The following AZI2 variants were observed in gnomAD, a reference collection of about 807,000 sequenced individuals.
AZI2 encodes the protein 5-azacytidine-induced protein 2.
Under a neutral mutation model 45.8 loss-of-function variants are expected in AZI2, and 22 were observed. That is an observed-to-expected ratio of 0.48 (90% confidence interval 0.34 to 0.69). AZI2 has a LOEUF of 0.69. AZI2 is among the 30% of genes least tolerant of loss of function. The probability of loss-of-function intolerance (pLI) is 0.01; values close to 1 mark genes in which losing one functional copy is unlikely to be tolerated. For missense variants in AZI2, 417 were observed against 441.5 expected (o/e 0.94, Z 0.50); for synonymous variants, 137 against 156.7 (o/e 0.87, Z 0.94).
rs777890779 is a variant in AZI2 at position 28,326,815 on chromosome 3, G to A, written c.766+17C>T. 8.9e-6 allele frequency: 14 copies of A among 1,572,032 alleles called. No individual in the cohort carries two copies. The highest frequency in any genetic ancestry group is 5.4e-5 in the African/African-American group (4 of 73,602). On this transcript the variant is annotated intron_variant, in intron 7 of 7. Coordinates refer to ENST00000479665, the MANE Select transcript of AZI2 (RefSeq NM_022461.5). ...AGTTTGGCTGGAATCAGTGGTTTCC[G>A]GTAAACAGTGACTTGCCTTTCTTGA... is the stretch of plus-strand genomic sequence containing the variant.
intron 2 of AZI2, among the ~76,000 whole-genome samples, chr3:28,339,314 G>A (rs1703920995): frequency 6.6e-6 from 1 of 152,034 alleles, no homozygotes; most frequent in Admixed American, 6.6e-5. Flanking sequence ...AGATGTGTGT[G>A]TTAATTTGTT....
chr3:28,324,156 A>G lies in AZI2; in HGVS notation c.1065T>C (p.Pro355=), dbSNP rs1327096237. The G allele has an allele frequency of 6.2e-7, 1 of 1,610,650 alleles. No individual in the cohort carries two copies. Among genetic ancestry groups the G allele is most frequent in the Non-Finnish European group, 8.5e-7 (1 of 1,177,658 alleles). ...EDNSWVFPSP[P]KSSETAFGET... ...CCCCAAATGCTGTCTCACTTGATTTAGGAGGACTTGGAAATACCCAGGAAT... is the reference window on the plus strand; with the variant it reads ...CCCCAAATGCTGTCTCACTTGATTTGGGAGGACTTGGAAATACCCAGGAAT... The change falls in exon 8 of 8, where the codon CCT becomes CCC. Residue 355 remains proline (P), a synonymous_variant. Coordinates refer to ENST00000479665, the MANE Select transcript of AZI2 (RefSeq NM_022461.5).
intron 3 of AZI2, among the ~76,000 whole-genome samples, chr3:28,338,256 A>T (rs892916435): frequency 8.6e-5 from 13 of 151,958 alleles, no homozygotes; most frequent in African/African-American, 2.9e-4. Flanking sequence ...ACCATGTCAT[A>T]GTTTTTCAAA....
rs1269362903 is a variant in AZI2, at chr3:28,322,910, C to A, written c.*1132G>T. 1 of 151,038 alleles carries A rather than the reference C, an allele frequency of 6.6e-6. No individual in the cohort carries two copies. Among genetic ancestry groups the A allele is most frequent in the Non-Finnish European group, 1.5e-5 (1 of 67,340 alleles). 9.4% of individuals were successfully genotyped at this position (151,038 alleles called of 1,614,324 possible). A position where few individuals can be genotyped will look rare whatever the true frequency, so the allele number is the denominator to read the frequency against. ...TCCTCCTACATGAAATACTTTAATT[C>A]AGGCAAAAGGTGTATGAACCAAGTA... On this transcript the variant is annotated 3_prime_UTR_variant, in exon 8 of 8. Coordinates refer to ENST00000479665, the MANE Select transcript of AZI2 (RefSeq NM_022461.5).
intron 1 of AZI2, among the ~76,000 whole-genome samples, chr3:28,346,143 T>C (rs1406573890): frequency 1.3e-5 from 2 of 152,160 alleles, no homozygotes; most frequent in Non-Finnish European, 2.9e-5. Flanking sequence ...AAAGGGATTC[T>C]GGTTATCCTA....
rs1362941582 is a variant in AZI2 at position 28,322,976 on chromosome 3, ATCTTTATTTCCT to A, written c.*1054_*1065del. Reference sequence around the variant, plus strand: ...AGAACTTAAATTTCCATGTGAAGCCATCTTTATTTCCTTCTTTATTTCCAAATAATTGGCCAC... The same window carrying A: ...AGAACTTAAATTTCCATGTGAAGCCATCTTTATTTCCAAATAATTGGCCAC... On this transcript the variant is annotated 3_prime_UTR_variant, in exon 8 of 8. Transcript: ENST00000479665. 1 of 150,954 alleles carries A rather than the reference ATCTTTATTTCCT, an allele frequency of 6.6e-6. No homozygotes were observed. Among genetic ancestry groups the A allele is most frequent in the Non-Finnish European group, 1.5e-5 (1 of 67,254 alleles). 9.4% of individuals were successfully genotyped at this position (150,954 alleles called of 1,614,324 possible).
intron 2 of AZI2, 100 bp downstream of exon 2, chr3:28,340,302 G>T: frequency 2.5e-6 from 2 of 808,166 alleles, no homozygotes; most frequent in East Asian, 2.7e-5. Context: ...TGGAAATTTA[G>T]TACAATCATG....
At chr3:28,347,493 A>T (rs575566654) in intron 1 of AZI2, among the ~76,000 whole-genome samples, 2 of 152,234 alleles carry the variant, frequency 1.3e-5, no homozygotes, top group African/African-American at 4.8e-5. Context: ...CAGAGCCAGC[A>T]TAACTCTTAG....
intron 3 of AZI2, among the ~76,000 whole-genome samples, 173 bp downstream of exon 3, chr3:28,338,320 T>G (rs1703879567): frequency 6.6e-6 from 1 of 152,122 alleles, no homozygotes; most frequent in Non-Finnish European, 1.5e-5. Context: ...ACATACTAAA[T>G]ATTTTACATA....
At chr3:28,326,159 G>C (rs1045941968) in intron 7 of AZI2, among the ~76,000 whole-genome samples, 1 of 150,928 alleles carries the variant, frequency 6.6e-6, no homozygotes, top group African/African-American at 2.4e-5. Flanking sequence ...TGTAATACTA[G>C]GTACAAATGT....
Position 28,342,463 on chromosome 3 carries a change from C to A in AZI2, c.-5-1841G>T, listed in dbSNP as rs1016091841. On this transcript the variant is annotated intron_variant, in intron 1 of 7. Transcript: ENST00000479665. Reference sequence around the variant, plus strand: ...TGGCGGATTCTCAGAACCATAATTACTCATGCTGCTTCTGATGCAAGCTGC... The same window carrying A: ...TGGCGGATTCTCAGAACCATAATTAATCATGCTGCTTCTGATGCAAGCTGC... Among the ~76,000 whole-genome samples, 5 of 151,992 alleles carry A rather than the reference C, an allele frequency of 3.3e-5. No individual in the cohort carries two copies. The East Asian group carries it at 9.6e-4, about 29-fold the overall frequency.
intron 6 of AZI2, among the ~76,000 whole-genome samples, chr3:28,329,423 A>T (rs373082010): frequency 2.6e-5 from 4 of 151,124 alleles, no homozygotes; most frequent in Non-Finnish European, 4.4e-5. Context: ...ACACAATCTT[A>T]TAAGTTTTAT....
intron 5 of AZI2, among the ~76,000 whole-genome samples, chr3:28,335,745 T>C (rs1206545769): frequency 1.3e-5 from 2 of 151,980 alleles, no homozygotes; most frequent in Non-Finnish European, 2.9e-5. Context: ...CAGGGCAGAA[T>C]CTGGAAAGCA....
At chr3:28,329,424 T>C (rs1703497234) in intron 6 of AZI2, among the ~76,000 whole-genome samples, 1 of 151,184 alleles carries the variant, frequency 6.6e-6, no homozygotes, top group South Asian at 2.1e-4. Flanking sequence ...CACAATCTTA[T>C]AAGTTTTATA....
intron 2 of AZI2, among the ~76,000 whole-genome samples, chr3:28,339,037 A>G (rs1020536777): frequency 6.6e-6 from 1 of 151,438 alleles, no homozygotes; most frequent in African/African-American, 2.4e-5. Flanking sequence ...CTGGAGTGCA[A>G]TGGGGCGATC....
chr3:28,326,700 A>G (rs986274146), intron 7 of AZI2, 132 bp downstream of exon 7: 2 of 769,070 alleles, frequency 2.6e-6, no homozygotes, highest in Non-Finnish European at 4.7e-6. Flanking sequence ...GAGAATGGGT[A>G]GGCTGCGAAT....
At chr3:28,343,699 C>G (rs1349585765) in intron 1 of AZI2, among the ~76,000 whole-genome samples, 2 of 151,934 alleles carry the variant, frequency 1.3e-5, no homozygotes, top group Non-Finnish European at 2.9e-5. Context: ...AGAAGCTTAG[C>G]TAGGATCACT....
intron 1 of AZI2, among the ~76,000 whole-genome samples, chr3:28,346,706 T>C (rs766815528): frequency 4.6e-5 from 7 of 152,172 alleles, no homozygotes; most frequent in Admixed American, 2.0e-4. Flanking sequence ...GTCAAAATAC[T>C]ATGGAGCAAG....
chr3:28,339,242 G>A (rs1369423932), intron 2 of AZI2, among the ~76,000 whole-genome samples: 2 of 151,874 alleles, frequency 1.3e-5, no homozygotes, highest in Non-Finnish European at 2.9e-5. Flanking sequence ...CCTCCCAAAG[G>A]GCTGGAATTA....
Sources: allele counts gnomAD v4.1 joint callset (sites outside exome capture counted in the v4.1 genomes callset), GRCh38; gene constraint gnomAD v4.1.1; transcripts MANE v1.5; gene names NCBI Gene and HGNC (gene_info 2026-07-23, HGNC 2026-07-21).